Variants in PTPRD observed in about 807,000 individuals in gnomAD.
PTPRD encodes receptor-type tyrosine-protein phosphatase delta.
PTPRD carries 34 observed loss-of-function variants against 214.5 expected under a neutral mutation model. The ratio of observed to expected loss-of-function variants is 0.16; its 90% CI spans 0.12 to 0.21. The LOEUF (loss-of-function observed/expected upper bound fraction) is 0.21, where lower values mean the gene tolerates loss of function less well. Ranked by LOEUF, PTPRD falls within the 10% of genes least tolerant of loss-of-function variation. PTPRD has a pLI of 1.00. For missense variants in PTPRD, 2,545 were observed against 2,398.7 expected, an observed-to-expected ratio of 1.06 and a Z score of -1.27; for synonymous variants, 1,128 against 845.7, an observed-to-expected ratio of 1.33 and a Z score of -5.79.
intron 3 of PTPRD, among the ~76,000 whole-genome samples, chr9:10,283,203 G>C (rs2095214033): frequency 6.6e-6 from 1 of 151,534 alleles, no homozygotes; most frequent in African/African-American, 2.4e-5. Flanking sequence ...TATTTTTCTG[G>C]TAAAGCTTCC....
intron 9 of PTPRD, among the ~76,000 whole-genome samples, chr9:9,212,600 C>T (rs2099949494): frequency 6.6e-6 from 1 of 152,076 alleles, no homozygotes; most frequent in Admixed American, 6.6e-5. Context: ...CAATAGAAAG[C>T]TGGGAGAAAA....
At chr9:9,638,893 A>G (rs964426302) in intron 7 of PTPRD, among the ~76,000 whole-genome samples, 1 of 152,122 alleles carries the variant, frequency 6.6e-6, no homozygotes, top group Non-Finnish European at 1.5e-5. Flanking sequence ...GAGTAATGCT[A>G]TGTCTTCACA....
At chr9:8,847,286 A>G (rs913482672) in intron 11 of PTPRD, among the ~76,000 whole-genome samples, 1 of 124,574 alleles carries the variant, frequency 8.0e-6, no homozygotes, top group Admixed American at 7.1e-5. Flanking sequence ...GAATATACAT[A>G]ACAGTATTTA....
At chr9:9,346,047 A>T (rs1027131685) in intron 9 of PTPRD, among the ~76,000 whole-genome samples, 6 of 152,284 alleles carry the variant, frequency 3.9e-5, no homozygotes, top group Admixed American at 2.0e-4. Flanking sequence ...AGTATAGAAT[A>T]GGGGCCGTGT....
intron 11 of PTPRD, among the ~76,000 whole-genome samples, chr9:8,966,276 G>T (rs2099194029): frequency 6.6e-6 from 1 of 151,746 alleles, no homozygotes; most frequent in Non-Finnish European, 1.5e-5. Context: ...GAAAAACAAA[G>T]ATCCCAAATA....
intron 10 of PTPRD, among the ~76,000 whole-genome samples, chr9:9,050,535 C>T (rs921656782): frequency 6.6e-6 from 1 of 152,094 alleles, no homozygotes. Context: ...CTTGTGTTAG[C>T]TGAAGTCACC....
chr9:10,480,757 A>G (rs763920512), intron 2 of PTPRD, among the ~76,000 whole-genome samples: 1 of 152,272 alleles, frequency 6.6e-6, no homozygotes, highest in East Asian at 1.9e-4. Context: ...GAATCAAACT[A>G]TAAAAGAAAG....
At chr9:9,414,626 T>C (rs1433753442) in intron 8 of PTPRD, 1 of 152,176 alleles carries the variant, frequency 6.6e-6, no homozygotes, top group Non-Finnish European at 1.5e-5. Flanking sequence ...AGATACACTG[T>C]GTTGCAAGAT....
intron 2 of PTPRD, among the ~76,000 whole-genome samples, chr9:10,566,014 G>T (rs886216830): frequency 6.6e-6 from 1 of 151,664 alleles, no homozygotes; most frequent in African/African-American, 2.4e-5. Flanking sequence ...GTCTATTTTT[G>T]AGTTTTATGT....
At chr9:9,194,453 C>T (rs568846741) in intron 9 of PTPRD, among the ~76,000 whole-genome samples, 1 of 152,178 alleles carries the variant, frequency 6.6e-6, no homozygotes, top group South Asian at 2.1e-4. Flanking sequence ...TTTGTTTACA[C>T]CAGCATCGCC....
chr9:8,588,379 T>C (rs900848421), intron 14 of PTPRD, among the ~76,000 whole-genome samples: 4 of 152,184 alleles, frequency 2.6e-5, no homozygotes, highest in African/African-American at 7.2e-5. Context: ...CATATTAAGC[T>C]TATGACAACT....
intron 3 of PTPRD, among the ~76,000 whole-genome samples, chr9:10,055,635 T>C: frequency 6.6e-6 from 1 of 152,002 alleles, no homozygotes; most frequent in East Asian, 1.9e-4. Context: ...CATTCAACTG[T>C]CCAACATCAT....
In PTPRD at chr9:8,581,481, G is replaced by A. The variant is rs142263106; in HGVS notation, c.352+51836C>T. 9.9e-3 allele frequency among the ~76,000 whole-genome samples: 1,505 copies of A among 152,284 alleles called. 33 individuals are homozygous for A. The highest frequency in any genetic ancestry group is 0.073 in the East Asian group (378 of 5,164). ...AGGGTGGCCGGGGCCGGGCGCAGTGGCTCACGCCTGTAATCCCAGCACTTT... is the reference window on the plus strand; with the variant it reads ...AGGGTGGCCGGGGCCGGGCGCAGTGACTCACGCCTGTAATCCCAGCACTTT... On this transcript the variant is annotated intron_variant, in intron 14 of 45. Coordinates refer to ENST00000381196, the MANE Select transcript of PTPRD (RefSeq NM_002839.4).
intron 12 of PTPRD, among the ~76,000 whole-genome samples, chr9:8,640,542 T>G (rs1296056831): frequency 6.9e-6 from 1 of 144,310 alleles, no homozygotes; most frequent in Admixed American, 7.0e-5. Context: ...TGATGTGATA[T>G]TCTTAAAAAA....
At chr9:10,167,842 G>C (rs995087086) in intron 3 of PTPRD, among the ~76,000 whole-genome samples, 20 of 151,870 alleles carry the variant, frequency 1.3e-4, no homozygotes, top group African/African-American at 4.1e-4. Flanking sequence ...AGAAGATAAA[G>C]CCCAAATTCA....
At chr9:10,199,894 C>A (rs1347312329) in intron 3 of PTPRD, among the ~76,000 whole-genome samples, 2 of 130,382 alleles carry the variant, frequency 1.5e-5, no homozygotes, top group Non-Finnish European at 3.2e-5. Context: ...AGTACATGGG[C>A]ACTCGCGCGC....
intron 8 of PTPRD, among the ~76,000 whole-genome samples, chr9:9,505,836 T>A (rs2096557510): frequency 6.6e-6 from 1 of 151,506 alleles, no homozygotes; most frequent in African/African-American, 2.4e-5. Flanking sequence ...TATGCTTAAC[T>A]ACTTCGTTTT....
At chr9:9,021,494 T>A (rs1367350916) in intron 10 of PTPRD, among the ~76,000 whole-genome samples, 1 of 152,188 alleles carries the variant, frequency 6.6e-6, no homozygotes, top group African/African-American at 2.4e-5. Flanking sequence ...GGTTTATGTA[T>A]TTGCCATACT....
chr9:8,917,089 G>A (rs2098791501), intron 11 of PTPRD, among the ~76,000 whole-genome samples: 1 of 147,210 alleles, frequency 6.8e-6, no homozygotes, highest in African/African-American at 2.5e-5. Context: ...CATTGTATAG[G>A]CAATGAGAAT....
Sources: gnomAD v4.1 joint callset for allele counts (sites outside exome capture counted in the v4.1 genomes callset) on GRCh38, gnomAD v4.1.1 for gene constraint, MANE v1.5 for transcripts, NCBI Gene and HGNC (gene_info 2026-07-23, HGNC 2026-07-21) for gene names.